Variants in UBAC2 observed in about 807,000 individuals in gnomAD.
UBAC2 encodes the protein ubiquitin-associated domain-containing protein 2.
In UBAC2, 26 loss-of-function variants were observed where a neutral mutation model predicts 44.0. That is an observed-to-expected ratio of 0.59 (90% CI 0.43 to 0.82). The LOEUF is 0.82. Ranked by LOEUF, UBAC2 falls within the 40% of genes least tolerant of loss-of-function variation. UBAC2 has a pLI of 0.00. For missense variants in UBAC2, 329 were observed against 419.4 expected (o/e 0.78, Z 1.88); for synonymous variants, 155 against 154.3 (o/e 1.00, Z -0.04).
At chr13:99,252,374 G>A (rs2142756718) in intron 4 of UBAC2, among the ~76,000 whole-genome samples, 1 of 152,350 alleles carries the variant, frequency 6.6e-6, no homozygotes, top group East Asian at 1.9e-4. Flanking sequence ...ATTTAGTAAT[G>A]TTGAAGAGCA....
At chr13:99,212,132 A>C (rs1173851592) in intron 1 of UBAC2, among the ~76,000 whole-genome samples, 3 of 152,108 alleles carry the variant, frequency 2.0e-5, no homozygotes, top group Non-Finnish European at 4.4e-5. Context: ...TCCGTTCTCA[A>C]CCTGTCTCAA....
At chr13:99,216,083 TG>T (rs2042992061) in intron 1 of UBAC2, among the ~76,000 whole-genome samples, 1 of 2,540 alleles carries the variant, frequency 3.9e-4, no homozygotes, top group Non-Finnish European at 6.3e-3. Context: ...AACCTATATT[TG>T]TGTGTGTGTG....
intron 4 of UBAC2, among the ~76,000 whole-genome samples, chr13:99,283,849 C>T (rs1476782470): frequency 6.7e-6 from 1 of 149,430 alleles, no homozygotes; most frequent in East Asian, 2.0e-4. Context: ...ATTCTCCTGC[C>T]TCAGCCTCCT....
intron 1 of UBAC2, chr13:99,201,588 A>G: frequency 6.2e-7 from 1 of 1,613,064 alleles, no homozygotes; most frequent in Non-Finnish European, 8.5e-7. Flanking sequence ...GAGTATTTTT[A>G]CAGCCAGTTA....
intron 8 of UBAC2, chr13:99,372,346 C>T (rs1453118190): frequency 6.6e-6 from 1 of 152,366 alleles, no homozygotes; most frequent in African/African-American, 2.4e-5. Context: ...AAGTCTAAAT[C>T]TGATGAAAGG....
intron 4 of UBAC2, among the ~76,000 whole-genome samples, chr13:99,310,494 T>A (rs1341680362): frequency 1.3e-5 from 2 of 152,194 alleles, no homozygotes; most frequent in East Asian, 3.9e-4. Context: ...GAACAGATGT[T>A]GTCATAAAAT....
In UBAC2 at chr13:99,385,377, A is replaced by G. The variant is rs769872706; in HGVS notation, c.*42A>G. The G allele has an allele frequency of 1.4e-5, 21 of 1,511,762 alleles. No individual in the cohort carries two copies. The Admixed American group carries it at 2.3e-4, about 17-fold the overall frequency. The allele number at this position is 1,511,762 out of a possible 1,614,324, so 93.6% of individuals were successfully genotyped here. A position where few individuals can be genotyped will look rare whatever the true frequency, so the allele number is the denominator to read the frequency against. ...CTGGGACCGGACCGGCAGCCGAGTG[A>G]CAGTGCGTGGTCCCCACCATCAGAT... On this transcript the variant is annotated 3_prime_UTR_variant, in exon 9 of 9. Coordinates refer to ENST00000403766, the MANE Select transcript of UBAC2 (RefSeq NM_001144072.2).
intron 8 of UBAC2, among the ~76,000 whole-genome samples, chr13:99,375,801 C>CTTTTTTTTTTTT (rs34318354): frequency 6.3e-5 from 7 of 110,888 alleles, no homozygotes; most frequent in Non-Finnish European, 1.2e-4. Flanking sequence ...TCCTTTTTCC[C>CTTTTTTTTTTTT]TTTTTTTTTT....
intron 4 of UBAC2, among the ~76,000 whole-genome samples, chr13:99,276,737 G>A (rs1261836433): frequency 3.3e-5 from 5 of 152,220 alleles, no homozygotes; most frequent in Admixed American, 6.5e-5. Context: ...AGGCTATCCA[G>A]GGGCTCTACC....
chr13:99,285,230 G>A (rs1041025571), intron 4 of UBAC2, among the ~76,000 whole-genome samples: 19 of 151,776 alleles, frequency 1.3e-4, no homozygotes, highest in Admixed American at 1.2e-3. Flanking sequence ...TTTTGCATTC[G>A]ATTGTGGTGT....
chr13:99,359,612 G>A (rs2045236209), intron 7 of UBAC2, among the ~76,000 whole-genome samples: 1 of 152,162 alleles, frequency 6.6e-6, no homozygotes, highest in Non-Finnish European at 1.5e-5. Flanking sequence ...TCCCCGCTTG[G>A]GGGCAACTGG....
At chr13:99,273,323 A>G (rs2043841492) in intron 4 of UBAC2, among the ~76,000 whole-genome samples, 1 of 152,086 alleles carries the variant, frequency 6.6e-6, no homozygotes, top group African/African-American at 2.4e-5. Flanking sequence ...GCAGAGTCAG[A>G]TTAGGTTAAG....
At chr13:99,247,798 T>A (rs957469855) in intron 4 of UBAC2, among the ~76,000 whole-genome samples, 1 of 152,138 alleles carries the variant, frequency 6.6e-6, no homozygotes, top group Non-Finnish European at 1.5e-5. Context: ...ACATCTAATA[T>A]TTTTCTTTCC....
intron 6 of UBAC2, among the ~76,000 whole-genome samples, chr13:99,324,055 T>A (rs1405905663): frequency 1.3e-5 from 2 of 152,176 alleles, no homozygotes; most frequent in Non-Finnish European, 2.9e-5. Flanking sequence ...CTGTGAACCA[T>A]ACACTCCAAC....
At chr13:99,238,245 CTT>C (rs2043261528) in intron 1 of UBAC2, among the ~76,000 whole-genome samples, 180 bp from the exon 2 acceptor site, 2 of 152,282 alleles carry the variant, frequency 1.3e-5, no homozygotes, top group African/African-American at 2.4e-5. Context: ...TTTCCAGTGT[CTT>C]TTGATCACTT....
intron 1 of UBAC2, among the ~76,000 whole-genome samples, chr13:99,235,234 A>G (rs1044214638): frequency 2.0e-5 from 3 of 152,224 alleles, no homozygotes; most frequent in Non-Finnish European, 2.9e-5. Context: ...AAGATGTGCA[A>G]TATATGTGCA....
intron 6 of UBAC2, among the ~76,000 whole-genome samples, chr13:99,337,981 C>T (rs1465871171): frequency 6.7e-6 from 1 of 150,112 alleles, no homozygotes; most frequent in Non-Finnish European, 1.5e-5. Context: ...TATACACTAA[C>T]ACTGAAGATA....
intron 7 of UBAC2, among the ~76,000 whole-genome samples, chr13:99,367,413 TA>T (rs1403956482): frequency 6.6e-6 from 1 of 152,192 alleles, no homozygotes; most frequent in Non-Finnish European, 1.5e-5. Flanking sequence ...CCTTCCTTCC[TA>T]TCACACCCTG....
intron 7 of UBAC2, among the ~76,000 whole-genome samples, chr13:99,349,161 T>C (rs754392406): frequency 1.4e-4 from 21 of 152,150 alleles, no homozygotes; most frequent in Admixed American, 2.6e-4. Flanking sequence ...CCTGTAGTAA[T>C]GATCATCCGA....
Sources: gnomAD v4.1 joint callset for allele counts (sites outside exome capture counted in the v4.1 genomes callset) on GRCh38, gnomAD v4.1.1 for gene constraint, MANE v1.5 for transcripts, NCBI Gene and HGNC (gene_info 2026-07-23, HGNC 2026-07-21) for gene names.